The following NLGN4X variants were observed in gnomAD, a reference collection of about 807,000 sequenced individuals.
NLGN4X encodes neuroligin-4, X-linked.
NLGN4X carries 3 observed loss-of-function variants against 40.3 expected under a neutral mutation model. The ratio of observed to expected loss-of-function variants is 0.07; its 90% CI spans 0.03 to 0.19. The LOEUF (loss-of-function observed/expected upper bound fraction) is 0.19, where lower values mean the gene tolerates loss of function less well. NLGN4X is among the 10% of genes least tolerant of loss of function. The pLI is 1.00. For missense variants in NLGN4X, 382 were observed against 708.3 expected (o/e 0.54, Z 5.23); for synonymous variants, 270 against 306.8 (o/e 0.88, Z 1.25).
intron 5 of NLGN4X, among the ~76,000 whole-genome samples, chrX:5,901,280 T>C (rs1211615856): frequency 8.9e-6 from 1 of 112,287 alleles, no homozygotes; most frequent in Non-Finnish European, 1.9e-5. Context: ...TTACTGTGCA[T>C]AACTCATGTG....
chrX:5,932,153 C>CACAGGAAT, intron 3 of NLGN4X, among the ~76,000 whole-genome samples: 1 of 111,468 alleles, frequency 9.0e-6, no homozygotes, highest in South Asian at 3.8e-4. Context: ...CCCTCCACAC[C>CACAGGAAT]CCCAGGAATG....
intron 3 of NLGN4X, among the ~76,000 whole-genome samples, chrX:5,933,460 T>C (rs1244907995): frequency 8.9e-6 from 1 of 111,993 alleles, no homozygotes; most frequent in Non-Finnish European, 1.9e-5. Flanking sequence ...AATTCCTTGA[T>C]GTATTCTATA....
At chrX:5,917,627 T>C (rs1460307273) in intron 3 of NLGN4X, among the ~76,000 whole-genome samples, 2 of 112,036 alleles carry the variant, frequency 1.8e-5, no homozygotes, top group East Asian at 2.8e-4. Flanking sequence ...AACTGGACAA[T>C]GCACAAGAAA....
At chrX:5,933,919 A>G (rs757659379) in intron 3 of NLGN4X, among the ~76,000 whole-genome samples, 7 of 111,948 alleles carry the variant, frequency 6.3e-5, no homozygotes, top group Non-Finnish European at 1.1e-4. Flanking sequence ...TATCAAGAAT[A>G]TAAAAAATGC....
Position 6,170,012 on chromosome X carries a change from T to A in NLGN4X, c.-305-18241A>T, listed in dbSNP as rs773715034. Among the ~76,000 whole-genome samples, 4 of 93,734 alleles carry A rather than the reference T, an allele frequency of 4.3e-5. No homozygotes were observed. In the South Asian group the frequency reaches 1.2e-3, roughly 28 times the overall value. The allele number at this position is 93,734 out of a possible 115,157, so 81.4% of individuals were successfully genotyped here. A position where few individuals can be genotyped will look rare whatever the true frequency, so the allele number is the denominator to read the frequency against. On this transcript the variant is annotated intron_variant, in intron 1 of 5. Transcript: ENST00000381095. ...TGGTGAAGAGAACACTGGACAAGAT[T>A]TTTTTTTTTTTTGAAACAGGGTCTC... is the stretch of plus-strand genomic sequence containing the variant.
chrX:6,170,404 A>G (rs1258859818), intron 1 of NLGN4X, among the ~76,000 whole-genome samples: 1 of 112,529 alleles, frequency 8.9e-6, no homozygotes, highest in Non-Finnish European at 1.9e-5. Context: ...TCTCTGGAGG[A>G]CCACAGCACA....
At chrX:6,178,369 G>T (rs1248784049) in intron 1 of NLGN4X, among the ~76,000 whole-genome samples, 2 of 111,480 alleles carry the variant, frequency 1.8e-5, no homozygotes, top group Non-Finnish European at 1.9e-5. Flanking sequence ...GTGGAAGTGG[G>T]TCCCCTATGT....
chrX:6,156,233 G>T (rs34035486), intron 1 of NLGN4X, among the ~76,000 whole-genome samples: 1 of 111,367 alleles, frequency 9.0e-6, no homozygotes, highest in East Asian at 2.8e-4. Flanking sequence ...CAAATCAGCC[G>T]GCGCGGTGGC....
intron 1 of NLGN4X, among the ~76,000 whole-genome samples, chrX:6,192,585 G>A (rs192070857): frequency 8.9e-5 from 10 of 112,048 alleles, no homozygotes; most frequent in Admixed American, 2.8e-4. Flanking sequence ...CTTCTTGGAT[G>A]CCTCTTCCAA....
chrX:6,040,773 C>G (rs985618699), intron 2 of NLGN4X, among the ~76,000 whole-genome samples: 2 of 111,967 alleles, frequency 1.8e-5, no homozygotes, highest in African/African-American at 6.5e-5. Flanking sequence ...CTTATTTTAT[C>G]TGGTTTACAG....
chrX:6,130,664 C>T (rs1399124764), intron 2 of NLGN4X, among the ~76,000 whole-genome samples: 2 of 112,945 alleles, frequency 1.8e-5, no homozygotes, highest in Non-Finnish European at 3.7e-5. Context: ...AAATCAAGTG[C>T]TGTTTCTTTT....
chrX:5,958,102 C>T (rs1339854992), intron 3 of NLGN4X, among the ~76,000 whole-genome samples: 1 of 111,510 alleles, frequency 9.0e-6, no homozygotes, highest in Non-Finnish European at 1.9e-5. Flanking sequence ...ATCTGATGGA[C>T]ATGTGGAATG....
intron 1 of NLGN4X, among the ~76,000 whole-genome samples, chrX:6,222,803 TAGTG>T (rs1388243416): frequency 8.9e-6 from 1 of 112,393 alleles, no homozygotes; most frequent in African/African-American, 3.2e-5. Flanking sequence ...ATTCTTATGA[TAGTG>T]AGTAAGTTCT....
chrX:5,915,805 T>C (rs1315137191), intron 3 of NLGN4X, among the ~76,000 whole-genome samples: 1 of 112,354 alleles, frequency 8.9e-6, no homozygotes, highest in Non-Finnish European at 1.9e-5. Context: ...CTCCAAAAAG[T>C]GCTGGGATTA....
chrX:5,998,826 G>C (rs1378284000), intron 3 of NLGN4X, among the ~76,000 whole-genome samples: 2 of 112,657 alleles, frequency 1.8e-5, no homozygotes. Context: ...GATACGGGGT[G>C]CATGTTTTCA....
At chrX:5,904,067 A>T (rs1222437313) in intron 4 of NLGN4X, among the ~76,000 whole-genome samples, 2 of 110,473 alleles carry the variant, frequency 1.8e-5, no homozygotes, top group Non-Finnish European at 3.8e-5. Context: ...ATTTTAGGGA[A>T]TGTTATTCTA....
chrX:6,217,700 T>C (rs5916339), intron 1 of NLGN4X, among the ~76,000 whole-genome samples: 10,683 of 111,459 alleles, frequency 0.096, 382 homozygotes, highest in East Asian at 0.17. Context: ...CACTTTCTAC[T>C]ACTGCCATTC....
chrX:5,996,308 A>ATATGTGGGATCACAACT (rs2035814740), intron 3 of NLGN4X, among the ~76,000 whole-genome samples: 1 of 112,235 alleles, frequency 8.9e-6, no homozygotes. Flanking sequence ...TCCGACTTTG[A>ATATGTGGGATCACAACT]TATGTGGGAT....
intron 2 of NLGN4X, among the ~76,000 whole-genome samples, chrX:6,069,237 G>A (rs1235851572): frequency 3.7e-5 from 4 of 108,078 alleles, no homozygotes; most frequent in Admixed American, 3.0e-4. Context: ...GCAGTGAGCC[G>A]AGATCGCGCC....
Sources: allele counts gnomAD v4.1 joint callset (sites outside exome capture counted in the v4.1 genomes callset), GRCh38; gene constraint gnomAD v4.1.1; transcripts MANE v1.5; gene names NCBI Gene and HGNC (gene_info 2026-07-23, HGNC 2026-07-21).